TXNDC16: variants seen among roughly 807,000 people sequenced by gnomAD.
TXNDC16 encodes the protein thioredoxin domain-containing protein 16.
In TXNDC16, 74 loss-of-function variants were observed where a neutral mutation model predicts 85.6. The ratio of observed to expected loss-of-function variants is 0.86; its 90% CI spans 0.72 to 1.05. The LOEUF (loss-of-function observed/expected upper bound fraction) is 1.05. Ranked by LOEUF, TXNDC16 falls within the 50% of genes least tolerant of loss-of-function variation. TXNDC16 has a pLI of 0.00. For missense variants in TXNDC16, 959 were observed against 947.0 expected (o/e 1.01, Z -0.17); for synonymous variants, 335 against 326.5 (o/e 1.03, Z -0.28).
chr14:52,480,944 GGT>G (rs146675184), intron 14 of TXNDC16, among the ~76,000 whole-genome samples: 18,274 of 139,308 alleles, frequency 0.13, 1,489 homozygotes, highest in East Asian at 0.37. Flanking sequence ...AAGACACTGT[GGT>G]GTGTGTGTGT....
At chr14:52,501,238 G>A (rs1361993971) in intron 9 of TXNDC16, among the ~76,000 whole-genome samples, 3 of 151,658 alleles carry the variant, frequency 2.0e-5, no homozygotes, top group African/African-American at 4.8e-5. Context: ...CTACAATTAG[G>A]TGTCCAAGTA....
chr14:52,547,778 C>CA (rs1216627199), intron 1 of TXNDC16, among the ~76,000 whole-genome samples: 1 of 152,200 alleles, frequency 6.6e-6, no homozygotes, highest in Non-Finnish European at 1.5e-5. Context: ...GGGCATTACT[C>CA]AGAGATCCTC....
At chr14:52,541,455 T>C (rs2037829844) in intron 4 of TXNDC16, among the ~76,000 whole-genome samples, 1 of 152,188 alleles carries the variant, frequency 6.6e-6, no homozygotes, top group East Asian at 1.9e-4. Flanking sequence ...TTGGAGATGA[T>C]TGCCATTATC....
intron 6 of TXNDC16, among the ~76,000 whole-genome samples, chr14:52,530,125 C>T (rs1359423264): frequency 6.5e-5 from 5 of 76,656 alleles, no homozygotes; most frequent in East Asian, 3.9e-4. Flanking sequence ...TATATATTTA[C>T]ATATTACAAT....
In TXNDC16 at chr14:52,543,635, C is replaced by A; in HGVS notation, c.-73-5G>T. On this transcript the variant is annotated splice_polypyrimidine_tract_variant and splice_region_variant and intron_variant, in intron 2 of 20. Transcript: ENST00000281741. ...TTCTGTTTCCTAAGACAACACCTGG[C>A]ACAGAGAAGGTATTCAACAAGAGTT... 1 of 1,489,988 alleles carries A rather than the reference C, an allele frequency of 6.7e-7. No individual in the cohort carries two copies. Among genetic ancestry groups the A allele is most frequent in the South Asian group, 1.3e-5 (1 of 79,682 alleles). The allele number at this position is 1,489,988 out of a possible 1,614,324, so 92.3% of individuals were successfully genotyped here. A position where few individuals can be genotyped will look rare whatever the true frequency, so the allele number is the denominator to read the frequency against.
chr14:52,550,483 T>C (rs1051274145), intron 1 of TXNDC16, among the ~76,000 whole-genome samples: 1 of 152,140 alleles, frequency 6.6e-6, no homozygotes, highest in African/African-American at 2.4e-5. Flanking sequence ...ATCCTCTACC[T>C]GCACCCTCAC....
At chr14:52,480,881 C>CAAT (rs2036128240) in intron 14 of TXNDC16, among the ~76,000 whole-genome samples, 1 of 150,648 alleles carries the variant, frequency 6.6e-6, no homozygotes, top group African/African-American at 2.4e-5. Context: ...GCACAATTTG[C>CAAT]AATTGCAAAA....
At chr14:52,540,378 A>C (rs888771520) in intron 4 of TXNDC16, among the ~76,000 whole-genome samples, 2 of 152,164 alleles carry the variant, frequency 1.3e-5, no homozygotes, top group African/African-American at 4.8e-5. Context: ...TAATCCCAGC[A>C]CTTTGGGAGG....
intron 6 of TXNDC16, among the ~76,000 whole-genome samples, chr14:52,530,486 ATT>A (rs1460494333): frequency 1.3e-4 from 2 of 15,768 alleles, no homozygotes; most frequent in African/African-American, 6.8e-4. Context: ...TATATATAAT[ATT>A]ATATATAATA....
chr14:52,459,993 G>C (rs900713651), intron 16 of TXNDC16, among the ~76,000 whole-genome samples: 6 of 152,014 alleles, frequency 3.9e-5, no homozygotes, highest in Admixed American at 3.9e-4. Context: ...TTGAAAACTG[G>C]CACAAGACAA....
chr14:52,490,192 A>G (rs1163574213), intron 11 of TXNDC16, among the ~76,000 whole-genome samples, 199 bp downstream of exon 11: 3 of 152,248 alleles, frequency 2.0e-5, no homozygotes, highest in Non-Finnish European at 4.4e-5. Context: ...ATTTAAAAAA[A>G]TACATATACA....
At chr14:52,512,249 A>G (rs2140183565) in intron 8 of TXNDC16, among the ~76,000 whole-genome samples, 1 of 152,334 alleles carries the variant, frequency 6.6e-6, no homozygotes, top group South Asian at 2.1e-4. Flanking sequence ...AAGGTAAATA[A>G]AACAATTACA....
rs1330596976 is a variant in TXNDC16, at chr14:52,544,280, G to A, written c.-90C>T. ...CGTACTTACTTCCATGCTGTCCTCT[G>A]TATCTGCTGTTAATTCTTTATTTTC... is the stretch of plus-strand genomic sequence containing the variant. On this transcript the variant is annotated 5_prime_UTR_variant, in exon 2 of 21. Transcript: ENST00000281741. 2 of 151,914 alleles carry A rather than the reference G, an allele frequency of 1.3e-5. No homozygotes were observed. The highest frequency in any genetic ancestry group is 2.9e-5 in the Non-Finnish European group (2 of 67,906). 9.4% of individuals were successfully genotyped at this position (151,914 alleles called of 1,614,324 possible).
chr14:52,505,647 T>G (rs934041757), intron 9 of TXNDC16, among the ~76,000 whole-genome samples: 1 of 151,952 alleles, frequency 6.6e-6, no homozygotes, highest in Non-Finnish European at 1.5e-5. Flanking sequence ...AACATCACAA[T>G]TAAAAGAACT....
chr14:52,472,615 A>G (rs959638594), intron 14 of TXNDC16, among the ~76,000 whole-genome samples: 1 of 152,220 alleles, frequency 6.6e-6, no homozygotes, highest in Non-Finnish European at 1.5e-5. Context: ...TTAAATTCTT[A>G]CATTAAAGGA....
intron 6 of TXNDC16, among the ~76,000 whole-genome samples, chr14:52,536,235 G>T: frequency 6.7e-6 from 1 of 148,620 alleles, no homozygotes; most frequent in East Asian, 1.9e-4. Flanking sequence ...CATCATGTGA[G>T]GACACAGGGA....
In TXNDC16 at chr14:52,465,461, G is replaced by T. The variant is rs191417244; in HGVS notation, c.1618+4576C>A. On this transcript the variant is annotated intron_variant, in intron 16 of 20. Coordinates refer to ENST00000281741, the MANE Select transcript of TXNDC16 (RefSeq NM_020784.3). The stretch of plus-strand genomic sequence containing the variant: ...CAAAGAGTCAGCCGGGCTTGGTGGC[G>T]GGCGCCTGTAGTCCCAACTACTCGG... Among the ~76,000 whole-genome samples, 7 of 151,978 alleles carry T rather than the reference G, an allele frequency of 4.6e-5. No individual in the cohort carries two copies. In the East Asian group the frequency reaches 1.4e-3, roughly 29 times the overall value.
chr14:52,450,896 T>C (rs959937251), intron 18 of TXNDC16, among the ~76,000 whole-genome samples: 4 of 149,964 alleles, frequency 2.7e-5, no homozygotes, highest in South Asian at 4.2e-4. Flanking sequence ...CACACACACA[T>C]ACATATATAT....
intron 17 of TXNDC16, among the ~76,000 whole-genome samples, chr14:52,456,245 G>C (rs1053069038): frequency 1.3e-5 from 2 of 152,138 alleles, no homozygotes; most frequent in Non-Finnish European, 2.9e-5. Context: ...TGACCAGTTG[G>C]TTATAAACAA....
Sources: gnomAD v4.1 joint callset for allele counts (sites outside exome capture counted in the v4.1 genomes callset) on GRCh38, gnomAD v4.1.1 for gene constraint, MANE v1.5 for transcripts, NCBI Gene and HGNC (gene_info 2026-07-23, HGNC 2026-07-21) for gene names.